PDE4D: variants seen among roughly 807,000 people sequenced by gnomAD.
PDE4D encodes the protein 3',5'-cyclic-AMP phosphodiesterase 4D.
In PDE4D, 24 loss-of-function variants were observed where a neutral mutation model predicts 87.4. The ratio of observed to expected loss-of-function variants is 0.27; its 90% confidence interval spans 0.20 to 0.39. The LOEUF is 0.39. PDE4D is among the 10% of genes least tolerant of loss of function. The pLI is 1.00. For missense variants in PDE4D, 714 were observed against 1,041.0 expected, an observed-to-expected ratio of 0.69 and a Z score of 4.32; for synonymous variants, 384 against 383.2, an observed-to-expected ratio of 1.00 and a Z score of -0.02.
At chr5:59,097,103 C>G (rs1335022836) in intron 5 of PDE4D, among the ~76,000 whole-genome samples, 1 of 152,154 alleles carries the variant, frequency 6.6e-6, no homozygotes, top group African/African-American at 2.4e-5. Flanking sequence ...AAGCAATTTT[C>G]ACTTTCTGAA....
intron 1 of PDE4D, among the ~76,000 whole-genome samples, chr5:60,391,626 T>A (rs1762566511): frequency 6.6e-6 from 1 of 152,126 alleles, no homozygotes; most frequent in African/African-American, 2.4e-5. Flanking sequence ...CACAATTCCC[T>A]CTCTTTTCCT....
At chr5:59,445,674 G>A (rs545061084) in intron 1 of PDE4D, among the ~76,000 whole-genome samples, 2 of 152,280 alleles carry the variant, frequency 1.3e-5, no homozygotes, top group African/African-American at 4.8e-5. Flanking sequence ...TTTAAATCCA[G>A]TCTTAATCAA....
rs78027960 is a variant in PDE4D at position 59,561,954 on chromosome 5, A to T, written c.455+331214T>A. On this transcript the variant is annotated intron_variant, in intron 1 of 14. Coordinates refer to ENST00000340635, the MANE Select transcript of PDE4D (RefSeq NM_001104631.2). ...TCAAAAAAAAAAAAAAAAATTAAAT[A>T]AAATGTAGATTAACTCCTGAAAGTG... 6.6e-4 allele frequency among the ~76,000 whole-genome samples: 101 copies of T among 151,998 alleles called. 1 individual carries two copies. The East Asian group carries it at 0.01, about 15-fold the overall frequency.
chr5:59,879,334 C>T (rs1749101493), intron 1 of PDE4D, among the ~76,000 whole-genome samples: 2 of 152,186 alleles, frequency 1.3e-5, no homozygotes, highest in Admixed American at 6.5e-5. Context: ...TCTTGCTTTT[C>T]CTTACCAGCC....
chr5:60,381,267 C>T (rs1418796374), intron 1 of PDE4D, among the ~76,000 whole-genome samples: 1 of 152,162 alleles, frequency 6.6e-6, no homozygotes, highest in African/African-American at 2.4e-5. Context: ...CATCAAAGCT[C>T]AAGTGTTTCC....
At chr5:59,056,032 T>C (rs369710385) in intron 5 of PDE4D, among the ~76,000 whole-genome samples, 40 of 152,322 alleles carry the variant, frequency 2.6e-4, no homozygotes, top group African/African-American at 9.1e-4. Flanking sequence ...GGTAGAGGCA[T>C]GCACAGGTCA....
intron 1 of PDE4D, among the ~76,000 whole-genome samples, chr5:59,507,673 A>AG (rs1809512663): frequency 6.8e-6 from 1 of 147,434 alleles, no homozygotes; most frequent in African/African-American, 2.5e-5. Context: ...TCAAAAAAAA[A>AG]AAAAAAAAAA....
chr5:59,851,548 G>A (rs1344343370), intron 1 of PDE4D, among the ~76,000 whole-genome samples: 1 of 151,854 alleles, frequency 6.6e-6, no homozygotes, highest in Non-Finnish European at 1.5e-5. Context: ...TGAATACTAC[G>A]AGATACCACT....
At chr5:59,430,641 T>C in intron 1 of PDE4D, 1 of 334,724 alleles carries the variant, frequency 3.0e-6, no homozygotes, top group Non-Finnish European at 5.3e-6. Flanking sequence ...TTTTGCTTAT[T>C]TCTAACCAGG....
chr5:60,133,092 C>T (rs569582914), intron 2 of PDE4D, among the ~76,000 whole-genome samples: 48 of 152,106 alleles, frequency 3.2e-4, no homozygotes, highest in Non-Finnish European at 6.3e-4. Context: ...GCATCAAAGT[C>T]CAATTTCTGG....
At chr5:59,251,957 TGG>T (rs1760044424) in intron 1 of PDE4D, among the ~76,000 whole-genome samples, 2 of 151,990 alleles carry the variant, frequency 1.3e-5, no homozygotes, top group Non-Finnish European at 2.9e-5. Context: ...CACTTATAAG[TGG>T]GAGCTAAATG....
intron 3 of PDE4D, among the ~76,000 whole-genome samples, chr5:59,966,089 C>T (rs544178326): frequency 3.9e-5 from 6 of 152,244 alleles, no homozygotes; most frequent in African/African-American, 1.4e-4. Flanking sequence ...CATCTGTTAC[C>T]CCCACCTCTC....
chr5:60,512,454 A>T (rs1200905973), intron 1 of PDE4D, among the ~76,000 whole-genome samples: 1 of 152,172 alleles, frequency 6.6e-6, no homozygotes, highest in Non-Finnish European at 1.5e-5. Flanking sequence ...CTGCAGATGT[A>T]AAAATACTTT....
intron 2 of PDE4D, among the ~76,000 whole-genome samples, chr5:60,066,444 A>G (rs563651855): frequency 6.6e-6 from 1 of 152,224 alleles, no homozygotes; most frequent in East Asian, 1.9e-4. Flanking sequence ...TTTTACAACC[A>G]ACTCAGTTCA....
At chr5:59,273,660 C>T (rs1029753051) in intron 1 of PDE4D, among the ~76,000 whole-genome samples, 1 of 152,012 alleles carries the variant, frequency 6.6e-6, no homozygotes, top group Non-Finnish European at 1.5e-5. Flanking sequence ...TTATTTCTTA[C>T]ACAGAAATCA....
At chr5:60,150,628 G>A (rs555244723) in intron 2 of PDE4D, among the ~76,000 whole-genome samples, 20 of 152,082 alleles carry the variant, frequency 1.3e-4, no homozygotes, top group Non-Finnish European at 2.1e-4. Flanking sequence ...GCTAAATTCT[G>A]TGTCCTCTGT....
intron 1 of PDE4D, among the ~76,000 whole-genome samples, chr5:59,674,783 G>A (rs1444818457): frequency 1.3e-5 from 2 of 152,140 alleles, no homozygotes; most frequent in African/African-American, 4.8e-5. Flanking sequence ...CTGTAACAAG[G>A]AGATTTCAAT....
intron 1 of PDE4D, among the ~76,000 whole-genome samples, chr5:59,459,234 T>C (rs1014978695): frequency 6.6e-6 from 1 of 152,178 alleles, no homozygotes; most frequent in Admixed American, 6.6e-5. Flanking sequence ...CCCTGTCTTA[T>C]GTACTGAAAA....
At position 60,150,752 on chromosome 5, in the gene PDE4D, C is replaced by A. The variant is rs116430130; in HGVS notation, c.42+34805G>T. 4.6e-5 allele frequency among the ~76,000 whole-genome samples: 7 copies of A among 152,030 alleles called. 1 individual carries two copies. Among genetic ancestry groups the A allele is most frequent in the Non-Finnish European group, 8.8e-5 (6 of 67,976 alleles). On this transcript the variant is annotated intron_variant, in intron 2 of 16. Coordinates refer to the PDE4D transcript ENST00000502484. Reference sequence around the variant, plus strand: ...ATCTAAACAGAGATAGAAGACTTGGCCTCAATAATAAAGCTCACCCACTTC... The same window carrying A: ...ATCTAAACAGAGATAGAAGACTTGGACTCAATAATAAAGCTCACCCACTTC...
Sources: allele counts gnomAD v4.1 joint callset (sites outside exome capture counted in the v4.1 genomes callset), GRCh38; gene constraint gnomAD v4.1.1; transcripts MANE v1.5; gene names NCBI Gene and HGNC (gene_info 2026-07-23, HGNC 2026-07-21).